Variants in CHST12 observed in about 807,000 individuals in gnomAD.
CHST12 encodes the protein carbohydrate sulfotransferase 12, also known as carbohydrate (chondroitin 4) sulfotransferase 12.
CHST12 carries 23 observed loss-of-function variants against 27.9 expected under a neutral mutation model. The ratio of observed to expected loss-of-function variants is 0.82; its 90% CI spans 0.59 to 1.17. The LOEUF is 1.17. Ranked by LOEUF, CHST12 falls within the 50% of genes most tolerant of loss-of-function variation. The pLI is 0.00. For synonymous variants in CHST12, 322 were observed against 273.0 expected, an observed-to-expected ratio of 1.18 and a Z score of -1.77; for missense variants, 682 against 603.0, an observed-to-expected ratio of 1.13 and a Z score of -1.37.
chr7:2,411,949 C>G (rs1033287541), intron 1 of CHST12, among the ~76,000 whole-genome samples: 1 of 152,204 alleles, frequency 6.6e-6, no homozygotes, highest in African/African-American at 2.4e-5. Context: ...GAATATTGGA[C>G]TGGTATACGT....
chr7:2,434,166 G>T lies in CHST12; in HGVS notation c.*282G>T. On this transcript the variant is annotated 3_prime_UTR_variant, in exon 2 of 2. Transcript: ENST00000618655. ...CTCCTGTGGTTTTTCTGAGCGTGCG[G>T]GCGCCGGGAGGGGATGCTGAGGCTG... The T allele has an allele frequency of 3.8e-6, 1 of 264,654 alleles. No homozygotes were observed. The allele number at this position is 264,654 out of a possible 1,614,324, so 16.4% of individuals were successfully genotyped here. A position where few individuals can be genotyped will look rare whatever the true frequency, so the allele number is the denominator to read the frequency against.
intron 1 of CHST12, among the ~76,000 whole-genome samples, chr7:2,408,107 C>T (rs1027720426): frequency 3.3e-5 from 5 of 151,596 alleles, no homozygotes; most frequent in East Asian, 2.0e-4. Context: ...CTGTGGCTCA[C>T]GCCTGTAATC....
chr7:2,424,582 TC>T (rs1782058590), intron 1 of CHST12, among the ~76,000 whole-genome samples: 6 of 152,068 alleles, frequency 3.9e-5, no homozygotes, highest in Admixed American at 3.9e-4. Flanking sequence ...TCCCGGGCAA[TC>T]CGCCTGTTTG....
chr7:2,443,683 A>C lies in CHST12; in HGVS notation c.*9799A>C, dbSNP rs1184951798. 6.6e-6 allele frequency: 1 copy of C among 152,214 alleles called. No homozygotes were observed. The highest frequency in any genetic ancestry group is 1.5e-5 in the Non-Finnish European group (1 of 68,036). 9.4% of individuals were successfully genotyped at this position (152,214 alleles called of 1,614,324 possible). On this transcript the variant is annotated 3_prime_UTR_variant, in exon 2 of 2. Coordinates refer to ENST00000618655, the MANE Select transcript of CHST12 (RefSeq NM_018641.5). ...CAGCCGAGTTTGCCTCCTTGAATGC[A>C]CACATAACACAGGAACAAAGACAGA... is the stretch of plus-strand genomic sequence containing the variant.
Position 2,447,553 on chromosome 7 carries a change from A to G in CHST12, c.*13669A>G, listed in dbSNP as rs1477556798. 1 of 150,732 alleles carries G rather than the reference A, an allele frequency of 6.6e-6. No individual in the cohort carries two copies. The highest frequency in any genetic ancestry group is 2.4e-5 in the African/African-American group (1 of 40,890). The allele number at this position is 150,732 out of a possible 1,614,324, so 9.3% of individuals were successfully genotyped here. A position where few individuals can be genotyped will look rare whatever the true frequency, so the allele number is the denominator to read the frequency against. ...AGTGGCACAATCTTAGCTCACTGCA[A>G]CCTCCACCTCCCAGGTTCAAGCGAT... On this transcript the variant is annotated 3_prime_UTR_variant, in exon 2 of 2. Transcript: ENST00000618655.
chr7:2,422,607 C>T (rs547991217), intron 1 of CHST12, among the ~76,000 whole-genome samples: 1 of 151,878 alleles, frequency 6.6e-6, no homozygotes, highest in East Asian at 1.9e-4. Context: ...GCGATCTCAG[C>T]TCACTGCAAA....
intron 1 of CHST12, 68 bp from the exon 2 acceptor site, chr7:2,432,495 G>A: frequency 1.0e-6 from 1 of 957,204 alleles, no homozygotes; most frequent in Non-Finnish European, 1.5e-6. Flanking sequence ...GTCCCCCACT[G>A]ATCAGAAGGC....
chr7:2,414,719 T>C (rs1350167126), intron 1 of CHST12, among the ~76,000 whole-genome samples: 1 of 152,180 alleles, frequency 6.6e-6, no homozygotes, highest in Non-Finnish European at 1.5e-5. Context: ...GTCATGGAGA[T>C]TTTTTCCTGT....
At chr7:2,415,359 C>G (rs1195230897) in intron 1 of CHST12, among the ~76,000 whole-genome samples, 4 of 142,582 alleles carry the variant, frequency 2.8e-5, no homozygotes, top group Non-Finnish European at 1.5e-5. Context: ...CAGCGAAACT[C>G]TGCCTCAAAA....
intron 1 of CHST12, among the ~76,000 whole-genome samples, chr7:2,431,121 T>C (rs1161292770): frequency 6.6e-6 from 1 of 152,232 alleles, no homozygotes; most frequent in Non-Finnish European, 1.5e-5. Flanking sequence ...TGGATTTGTC[T>C]GTTTATCCTT....
chr7:2,425,436 A>AC (rs1430530289), intron 1 of CHST12, among the ~76,000 whole-genome samples: 2 of 151,754 alleles, frequency 1.3e-5, no homozygotes, highest in East Asian at 3.9e-4. Flanking sequence ...TTTACCCTCC[A>AC]CCCCCAAAAG....
rs1341146906 is a variant in CHST12 at position 2,434,114 on chromosome 7, C to T, written c.*230C>T. 6 of 384,136 alleles carry T rather than the reference C, an allele frequency of 1.6e-5. No individual in the cohort carries two copies. The highest frequency in any genetic ancestry group is 5.5e-5 in the South Asian group (1 of 18,256). The allele number at this position is 384,136 out of a possible 1,614,324, so 23.8% of individuals were successfully genotyped here. A position where few individuals can be genotyped will look rare whatever the true frequency, so the allele number is the denominator to read the frequency against. On this transcript the variant is annotated 3_prime_UTR_variant, in exon 2 of 2. Coordinates refer to ENST00000618655, the MANE Select transcript of CHST12 (RefSeq NM_018641.5). ...TCCCCTCTCCCCTCCGCCCGCCCACCCGCCCGCCCGCTCGCCCGCTCGCCC... is the reference window on the plus strand; with the variant it reads ...TCCCCTCTCCCCTCCGCCCGCCCACTCGCCCGCCCGCTCGCCCGCTCGCCC...
At position 2,428,197 on chromosome 7, in the gene CHST12, C is replaced by CT. The variant is rs113888480; in HGVS notation, c.-77-4351dup. On this transcript the variant is annotated intron_variant, in intron 1 of 1. Coordinates refer to ENST00000618655, the MANE Select transcript of CHST12 (RefSeq NM_018641.5). Reference sequence around the variant, plus strand: ...TATTGGCCTGTAGCTTTCTCTCTCTCTTTTTTTTTTTTTTTGAGACAGAGT... The same window carrying CT: ...TATTGGCCTGTAGCTTTCTCTCTCTCTTTTTTTTTTTTTTTTGAGACAGAGT... 7.2e-3 allele frequency among the ~76,000 whole-genome samples: 951 copies of CT among 131,360 alleles called. 11 individuals are homozygous for CT. Among genetic ancestry groups the CT allele is most frequent in the African/African-American group, 0.019 (678 of 35,878 alleles). The allele number at this position is 131,360 out of a possible 152,430, so 86.2% of individuals were successfully genotyped here.
Position 2,432,921 on chromosome 7 carries a change from G to T in CHST12, c.282G>T (p.Pro94=). The T allele has an allele frequency of 1.2e-6, 2 of 1,612,938 alleles. No individual in the cohort carries two copies. Among genetic ancestry groups the T allele is most frequent in the South Asian group, 2.2e-5 (2 of 91,070 alleles). ...AGGAGACGGAGCAGCCGCCTGCGCCGGGGAGCATGGAGGAGAGCGTGAGAG... is the reference window on the plus strand; with the variant it reads ...AGGAGACGGAGCAGCCGCCTGCGCCTGGGAGCATGGAGGAGAGCGTGAGAG... ...PRKETEQPPA[P]GSMEESVRGY... Residue 94 remains proline (P), a synonymous_variant, in exon 2 of 2, where the codon CCG becomes CCT. Transcript: ENST00000618655.
rs116026129 is a variant in CHST12 at position 2,416,033 on chromosome 7, T to C, written c.-78+12360T>C. ...ATTTTACTTATAGTAGAACATCTTT[T>C]AAAATTGTAGTCAATCTTCTCAAAC... On this transcript the variant is annotated intron_variant, in intron 1 of 1. Coordinates refer to ENST00000618655, the MANE Select transcript of CHST12 (RefSeq NM_018641.5). Among the ~76,000 whole-genome samples the C allele has an allele frequency of 5.0e-3, 760 of 152,354 alleles. 6 individuals are homozygous for C. Among genetic ancestry groups the C allele is most frequent in the African/African-American group, 0.018 (738 of 41,586 alleles).
intron 1 of CHST12, among the ~76,000 whole-genome samples, chr7:2,407,635 G>A (rs1048148354): frequency 2.0e-5 from 3 of 151,972 alleles, no homozygotes; most frequent in Non-Finnish European, 4.4e-5. Flanking sequence ...TTCTCAGCTT[G>A]GATATTAAAA....
At chr7:2,408,160 A>T (rs1205753524) in intron 1 of CHST12, among the ~76,000 whole-genome samples, 1 of 151,988 alleles carries the variant, frequency 6.6e-6, no homozygotes, top group African/African-American at 2.4e-5. Flanking sequence ...ACTTGAGGCC[A>T]GGAGTTTGAG....
In CHST12 at chr7:2,433,344, C is replaced by T. The variant is rs909031544; in HGVS notation, c.705C>T (p.Leu235=). The change falls in exon 2 of 2, where the codon CTC becomes CTT. Residue 235 remains leucine, a synonymous_variant. Coordinates refer to ENST00000618655, the MANE Select transcript of CHST12 (RefSeq NM_018641.5). This position sits in a 1 kb window ranked among gnomAD's most constrained non-coding sequence, Gnocchi z 6.1. ...CCCGCCACCTCATGAAGGTCAAGCT[C>T]AAGAAGTACACCAAGTTCCTCTTCG... ...KLSRHLMKVK[L]KKYTKFLFVR... The T allele has an allele frequency of 5.6e-6, 9 of 1,612,344 alleles. No individual in the cohort carries two copies. The highest frequency in any genetic ancestry group is 5.9e-6 in the Non-Finnish European group (7 of 1,179,952).
chr7:2,403,546 G>A (rs1781437677), upstream of CHST12: 1 of 151,414 alleles, frequency 6.6e-6, no homozygotes, highest in Admixed American at 6.6e-5. Context: ...GCGAGAAGAC[G>A]ACCGGTAGGA....
Sources: gnomAD v4.1 joint callset for allele counts (sites outside exome capture counted in the v4.1 genomes callset) on GRCh38, gnomAD v4.1.1 for gene constraint, Gnocchi (gnomAD v3.1) non-coding constraint, MANE v1.5 for transcripts, NCBI Gene and HGNC (gene_info 2026-07-23, HGNC 2026-07-21) for gene names.